The following AZIN2 variants were observed in gnomAD, a reference collection of about 807,000 sequenced individuals.
AZIN2 encodes the protein ODC antizyme inhibitor-2.
In AZIN2, 28 loss-of-function variants were observed where a neutral mutation model predicts 47.8. That is an observed-to-expected ratio of 0.59 (90% CI 0.43 to 0.80). The LOEUF (loss-of-function observed/expected upper bound fraction) is 0.80, where lower values mean the gene tolerates loss of function less well. AZIN2 is among the 30% of genes least tolerant of loss of function. The pLI is 0.00. For missense variants in AZIN2, 535 were observed against 582.5 expected, an observed-to-expected ratio of 0.92 and a Z score of 0.84; for synonymous variants, 221 against 239.4, an observed-to-expected ratio of 0.92 and a Z score of 0.71.
In AZIN2 at chr1:33,094,561, A is replaced by G. The variant is rs761551136; in HGVS notation, c.601A>G (p.Ser201Gly). The change falls in exon 8 of 12, where the codon AGT becomes GGT. Residue 201 changes from serine (S) to glycine (G), a missense_variant. By Grantham distance (56) the Ser-to-Gly change is moderately conservative. Transcript: ENST00000294517. ...CTCTCTTCCCAGTTTTCACATTGGC[A>G]GTGGCTGTCCTGACCCTCAGGCCTA... The part of the protein sequence containing the change: ...EVVGVSFHIG[S>G]GCPDPQAYAQ... 2.5e-5 allele frequency: 41 copies of G among 1,610,762 alleles called. No individual in the cohort carries two copies. The highest frequency in any genetic ancestry group is 3.4e-5 in the Non-Finnish European group (40 of 1,177,304).
the AZIN2 span, among the ~76,000 whole-genome samples, chr1:33,136,035 G>C: frequency 1.9e-4 from 29 of 150,920 alleles, no homozygotes; most frequent in African/African-American, 6.3e-4. Context: ...AAGCTTGTCT[G>C]AGCAAACATG....
the AZIN2 span, chr1:33,165,607 C>A: frequency 6.5e-7 from 1 of 1,544,774 alleles, no homozygotes; most frequent in Admixed American, 1.9e-5. The surrounding 1 kb of genome is among the most constrained non-coding windows in gnomAD (Gnocchi z 4.0). Flanking sequence ...AGGGGCCATG[C>A]CTGGCCCAGG....
At chr1:33,152,084 C>T in the AZIN2 span, among the ~76,000 whole-genome samples, 2 of 152,232 alleles carry the variant, frequency 1.3e-5, no homozygotes, top group African/African-American at 2.4e-5. Context: ...GGGAGCACCA[C>T]GACAGACCCA....
rs1276278246 is a variant in AZIN2 at position 33,082,257 on chromosome 1, G to A, written c.8G>A (p.Gly3Asp). The change falls in exon 4 of 12, where the codon GGC becomes GAC. Residue 3 changes from glycine (G) to aspartate (D), a missense_variant. This residue lies in a region of AZIN2 where 409 missense variants were observed against 429.0 expected (regional missense o/e 0.95). Transcript: ENST00000294517. ...CAGCTCCTCCTGCAAGGCATGGCTG[G>A]CTACCTGAGTGAATCGGACTTTGTG... is the stretch of plus-strand genomic sequence containing the variant. Reference protein sequence around the residue: MAGYLSESDFVMV... With the variant: MADYLSESDFVMV... 1 of 1,613,954 alleles carries A rather than the reference G, an allele frequency of 6.2e-7. No homozygotes were observed. The highest frequency in any genetic ancestry group is 8.5e-7 in the Non-Finnish European group (1 of 1,179,918).
chr1:33,134,900 T>C, the AZIN2 span, among the ~76,000 whole-genome samples: 1 of 152,230 alleles, frequency 6.6e-6, no homozygotes, highest in African/African-American at 2.4e-5. Flanking sequence ...GGCCTCAGCC[T>C]CACCAGCCTT....
the AZIN2 span, chr1:33,165,656 CTGGTCTCTGTCCCCA>C: frequency 8.6e-7 from 1 of 1,166,186 alleles, no homozygotes; most frequent in South Asian, 1.7e-5. This position sits in a 1 kb window ranked among gnomAD's most constrained non-coding sequence, Gnocchi z 4.0. Flanking sequence ...GGGGGTTAGC[CTGGTCTCTGTCCCCA>C]ACCTCCAACA....
At chr1:33,093,102 T>G in intron 6 of AZIN2, 180 bp from the exon 7 acceptor site, 1 of 745,314 alleles carries the variant, frequency 1.3e-6, no homozygotes, top group African/African-American at 1.8e-5. Flanking sequence ...TCAGGGACAT[T>G]TAGAGAATGG....
At chr1:33,127,845 G>A, downstream of AZIN2, among the ~76,000 whole-genome samples, 1 of 152,090 alleles carries the variant, frequency 6.6e-6, no homozygotes, top group Non-Finnish European at 1.5e-5. Context: ...CTGCTTGCCA[G>A]GCCCTGCTCT....
At chr1:33,087,134 A>AT (rs57034814) in intron 5 of AZIN2, among the ~76,000 whole-genome samples, 10,643 of 142,688 alleles carry the variant, frequency 0.075, 963 homozygotes, top group African/African-American at 0.21. Context: ...GATATGTAGT[A>AT]TTTTTTTTTT....
Position 33,084,114 on chromosome 1 carries a change from G to A in AZIN2, c.266G>A (p.Ser89Asn), listed in dbSNP as rs1295601419. The change falls in exon 5 of 12, where the codon AGC (serine) becomes AAC (asparagine). Residue 89 changes from serine to asparagine, a missense_variant. By Grantham distance (46) the Ser-to-Asn change is conservative. Transcript: ENST00000294517. ...CTGGCCCAGCTGGGGCTGGGCTTTAGCTGTGCCAACAAGGTGAGCCCTGCC... is the reference window on the plus strand; with the variant it reads ...CTGGCCCAGCTGGGGCTGGGCTTTAACTGTGCCAACAAGGTGAGCCCTGCC... ...KVLAQLGLGF[S>N]CANKAEMELV... 1.2e-6 allele frequency: 2 copies of A among 1,611,100 alleles called. No homozygotes were observed. Among genetic ancestry groups the A allele is most frequent in the Non-Finnish European group, 1.7e-6 (2 of 1,180,016 alleles).
At chr1:33,099,837 C>T (rs945887250) in intron 10 of AZIN2, among the ~76,000 whole-genome samples, 6 of 152,312 alleles carry the variant, frequency 3.9e-5, no homozygotes, top group Middle Eastern at 3.4e-3. Flanking sequence ...TAAGACATTG[C>T]ATAGATGACA....
At chr1:33,147,510 G>T in the AZIN2 span, 3 of 1,613,246 alleles carry the variant, frequency 1.9e-6, no homozygotes, top group Non-Finnish European at 2.5e-6. This position sits in a 1 kb window ranked among gnomAD's most constrained non-coding sequence, Gnocchi z 8.1. Context: ...GTGCCAGCCC[G>T]ATCACCCACT....
At position 33,091,858 on chromosome 1, in the gene AZIN2, G is replaced by A. The variant is rs551099619; in HGVS notation, c.280-192G>A. ...TGTACCACCCGCATGGCTGTACATG[G>A]CAGCCCTGCTTATCAAAGAATGGTG... On this transcript the variant is annotated intron_variant, in intron 5 of 11. Coordinates refer to ENST00000294517, the MANE Select transcript of AZIN2 (RefSeq NM_052998.4). Among the ~76,000 whole-genome samples the A allele has an allele frequency of 2.0e-3, 311 of 152,322 alleles. 1 individual carries two copies. The highest frequency in any genetic ancestry group is 7.0e-3 in the African/African-American group (292 of 41,564).
chr1:33,141,224 C>T, the AZIN2 span, among the ~76,000 whole-genome samples: 2 of 151,870 alleles, frequency 1.3e-5, no homozygotes, highest in Non-Finnish European at 2.9e-5. Flanking sequence ...CTCTTGTACC[C>T]CCGCAGACCT....
chr1:33,098,233 C>G, intron 10 of AZIN2, 54 bp downstream of exon 10: 1 of 1,294,152 alleles, frequency 7.7e-7, no homozygotes, highest in Non-Finnish European at 1.1e-6. Context: ...ATTTCAATAA[C>G]ATTTGTTGTG....
Position 33,120,293 on chromosome 1 carries a change from C to T in AZIN2, c.*111C>T. The stretch of plus-strand genomic sequence containing the variant: ...CTTGGCCAGGACTCTGGTGCCCACC[C>T]TGCCACCCCCGCGCTCCACCTGCAG... On this transcript the variant is annotated 3_prime_UTR_variant, in exon 12 of 12. Transcript: ENST00000294517. 1 of 1,445,822 alleles carries T rather than the reference C, an allele frequency of 6.9e-7. No individual in the cohort carries two copies. Among genetic ancestry groups the T allele is most frequent in the Non-Finnish European group, 9.3e-7 (1 of 1,075,462 alleles). The allele number at this position is 1,445,822 out of a possible 1,614,324, so 89.6% of individuals were successfully genotyped here. A position where few individuals can be genotyped will look rare whatever the true frequency, so the allele number is the denominator to read the frequency against.
chr1:33,139,293 T>C, the AZIN2 span, among the ~76,000 whole-genome samples: 1 of 152,096 alleles, frequency 6.6e-6, no homozygotes, highest in Non-Finnish European at 1.5e-5. Context: ...ATCTTGGAGA[T>C]GGGGTAGTTT....
At chr1:33,125,951 C>T (rs997116156), downstream of AZIN2, among the ~76,000 whole-genome samples, 11 of 152,224 alleles carry the variant, frequency 7.2e-5, no homozygotes, top group African/African-American at 2.4e-4. Flanking sequence ...CACTTGAGCC[C>T]AGGAATTTGA....
the AZIN2 span, among the ~76,000 whole-genome samples, chr1:33,136,814 T>C: frequency 2.0e-5 from 3 of 151,138 alleles, no homozygotes; most frequent in Admixed American, 2.0e-4. Context: ...CTGGCCAATA[T>C]GGTGAAACCC....
Sources: allele counts gnomAD v4.1 joint callset (sites outside exome capture counted in the v4.1 genomes callset), GRCh38; gene constraint gnomAD v4.1.1; regional missense constraint gnomAD v4.1.1; non-coding constraint Gnocchi (gnomAD v3.1); transcripts MANE v1.5; gene names NCBI Gene and HGNC (gene_info 2026-07-23, HGNC 2026-07-21).